The following CDH13 variants were observed in gnomAD, a reference collection of about 807,000 sequenced individuals.
The protein encoded by CDH13 is cadherin 13.
In CDH13, 24 loss-of-function variants were observed where a neutral mutation model predicts 63.8. The ratio of observed to expected loss-of-function variants is 0.38; its 90% CI spans 0.27 to 0.53. CDH13 has a LOEUF of 0.53. Among genes scored for constraint, CDH13 ranks in the 20% least tolerant of loss-of-function variants. The pLI, the probability that CDH13 is intolerant of heterozygous loss-of-function variation, is 0.85. For synonymous variants in CDH13, 503 were observed against 355.3 expected (o/e 1.42, Z -4.67); for missense variants, 1,049 against 903.1 (o/e 1.16, Z -2.07).
intron 6 of CDH13, among the ~76,000 whole-genome samples, chr16:83,404,845 C>T (rs571874009): frequency 6.6e-6 from 1 of 152,230 alleles, no homozygotes; most frequent in East Asian, 1.9e-4. Flanking sequence ...TGTCGGACGC[C>T]GTGTATATAG....
intron 7 of CDH13, among the ~76,000 whole-genome samples, chr16:83,571,914 G>A (rs1360761675): frequency 4.6e-5 from 7 of 152,040 alleles, no homozygotes; most frequent in Admixed American, 1.3e-4. Flanking sequence ...GCTCTGCATG[G>A]GGACAGATCC....
chr16:82,754,414 A>G (rs1378861161), intron 1 of CDH13, among the ~76,000 whole-genome samples: 1 of 152,230 alleles, frequency 6.6e-6, no homozygotes, highest in African/African-American at 2.4e-5. Flanking sequence ...CCTGAACTTT[A>G]GGAGAATAAA....
chr16:83,346,672 T>G (rs1341174655), intron 6 of CDH13, among the ~76,000 whole-genome samples: 2 of 152,210 alleles, frequency 1.3e-5, no homozygotes, highest in African/African-American at 2.4e-5. Context: ...TAGAAAAGAA[T>G]TTCAGATACA....
intron 3 of CDH13, among the ~76,000 whole-genome samples, chr16:83,065,361 G>A (rs2031919051): frequency 6.6e-6 from 1 of 152,154 alleles, no homozygotes; most frequent in Admixed American, 6.5e-5. Flanking sequence ...TGGGTAAGAT[G>A]GGATGGAGAA....
chr16:83,432,612 G>A (rs1368357277), intron 6 of CDH13, among the ~76,000 whole-genome samples: 1 of 152,122 alleles, frequency 6.6e-6, no homozygotes. Context: ...GCTGGCCTGG[G>A]ACTGGAGCCA....
At chr16:83,199,705 T>C (rs1021860515) in intron 4 of CDH13, among the ~76,000 whole-genome samples, 28 of 152,134 alleles carry the variant, frequency 1.8e-4, no homozygotes, top group African/African-American at 6.5e-4. Flanking sequence ...GTCGTTAACA[T>C]TTATTGAGTG....
intron 5 of CDH13, among the ~76,000 whole-genome samples, chr16:83,245,112 A>G (rs76616744): frequency 0.044 from 5,478 of 125,304 alleles, 127 homozygotes; most frequent in Middle Eastern, 0.067. Flanking sequence ...TTTTCTGGAT[A>G]GTATGCAAAA....
chr16:82,728,748 G>C (rs1479964186), intron 1 of CDH13, among the ~76,000 whole-genome samples: 1 of 152,102 alleles, frequency 6.6e-6, no homozygotes, highest in Non-Finnish European at 1.5e-5. Flanking sequence ...TCAACTGACT[G>C]TTTCTTTTAC....
At chr16:83,163,522 C>T (rs1002560982) in intron 4 of CDH13, among the ~76,000 whole-genome samples, 5 of 152,142 alleles carry the variant, frequency 3.3e-5, no homozygotes, top group African/African-American at 1.2e-4. Flanking sequence ...ATAGTAGAGC[C>T]ATTGGCACTC....
chr16:83,234,756 AT>A (rs2040096340), intron 5 of CDH13, among the ~76,000 whole-genome samples: 1 of 152,186 alleles, frequency 6.6e-6, no homozygotes, highest in African/African-American at 2.4e-5. Context: ...AAAGGTAAAG[AT>A]TGTTTTTGTC....
At chr16:83,741,250 T>C (rs993661324) in intron 10 of CDH13, among the ~76,000 whole-genome samples, 7 of 152,186 alleles carry the variant, frequency 4.6e-5, no homozygotes, top group African/African-American at 1.7e-4. Context: ...TTTCCTTCAA[T>C]TGGGAGTTCT....
At chr16:83,762,294 GA>G (rs1472653249) in intron 11 of CDH13, among the ~76,000 whole-genome samples, 1 of 152,058 alleles carries the variant, frequency 6.6e-6, no homozygotes, top group East Asian at 1.9e-4. Context: ...CAGATTTTCT[GA>G]AAGGTCAAAA....
At chr16:82,733,982 A>G (rs1051542003) in intron 1 of CDH13, among the ~76,000 whole-genome samples, 2 of 152,226 alleles carry the variant, frequency 1.3e-5, no homozygotes, top group Non-Finnish European at 2.9e-5. Flanking sequence ...ACAGAACTGT[A>G]GAGAAAACAG....
At chr16:83,476,718 C>T (rs1013812063) in intron 6 of CDH13, among the ~76,000 whole-genome samples, 2 of 152,148 alleles carry the variant, frequency 1.3e-5, no homozygotes, top group Admixed American at 6.5e-5. Context: ...AAAAAAACCA[C>T]ACCGTGTCCT....
At chr16:83,454,240 A>G (rs913473110) in intron 6 of CDH13, among the ~76,000 whole-genome samples, 1 of 152,246 alleles carries the variant, frequency 6.6e-6, no homozygotes, top group South Asian at 2.1e-4. Flanking sequence ...TCTTTAAATT[A>G]CATCCATCTC....
intron 8 of CDH13, among the ~76,000 whole-genome samples, chr16:83,633,835 C>G (rs1343941318): frequency 4.6e-5 from 7 of 152,144 alleles, no homozygotes; most frequent in Non-Finnish European, 7.3e-5. Context: ...AGGTATCCCC[C>G]CTCCAAATTA....
At chr16:82,991,036 G>A (rs13338537) in intron 2 of CDH13, among the ~76,000 whole-genome samples, 212 of 152,284 alleles carry the variant, frequency 1.4e-3, no homozygotes, top group African/African-American at 5.0e-3. Flanking sequence ...GATAGGGCAT[G>A]AGGAAGCAGT....
At chr16:82,808,586 C>T (rs1188113304) in intron 1 of CDH13, among the ~76,000 whole-genome samples, 1 of 152,028 alleles carries the variant, frequency 6.6e-6, no homozygotes, top group Non-Finnish European at 1.5e-5. Flanking sequence ...TCTTTTTCTG[C>T]CCTTGCAGTA....
At chr16:82,718,650 A>T (rs964305562) in intron 1 of CDH13, among the ~76,000 whole-genome samples, 3 of 152,200 alleles carry the variant, frequency 2.0e-5, no homozygotes, top group African/African-American at 7.2e-5. Context: ...CCTGGCAATC[A>T]TGGTGGAAGG....
Sources: gnomAD v4.1 joint callset for allele counts (sites outside exome capture counted in the v4.1 genomes callset) on GRCh38, gnomAD v4.1.1 for gene constraint, MANE v1.5 for transcripts, NCBI Gene and HGNC (gene_info 2026-07-23, HGNC 2026-07-21) for gene names.